Variants in SGCZ observed in about 807,000 individuals in gnomAD.
The protein encoded by SGCZ is sarcoglycan zeta.
Under a neutral mutation model 41.3 loss-of-function variants are expected in SGCZ, and 40 were observed. The observed-to-expected ratio is 0.97, with a 90% CI of 0.75 to 1.26. The LOEUF is 1.26. SGCZ is among the 50% of genes most tolerant of loss of function. The probability of loss-of-function intolerance (pLI) is 0.00; values close to 1 mark genes in which losing one functional copy is unlikely to be tolerated. For synonymous variants in SGCZ, 206 were observed against 137.5 expected (o/e 1.50, Z -3.49); for missense variants, 552 against 369.8 (o/e 1.49, Z -4.04).
At chr8:15,046,435 G>A (rs1804303061) in intron 1 of SGCZ, among the ~76,000 whole-genome samples, 1 of 151,800 alleles carries the variant, frequency 6.6e-6, no homozygotes, top group Non-Finnish European at 1.5e-5. Context: ...TCTATGAGTT[G>A]TAATCTATTA....
At chr8:14,455,455 T>C (rs569687080) in intron 2 of SGCZ, among the ~76,000 whole-genome samples, 1 of 144,352 alleles carries the variant, frequency 6.9e-6, no homozygotes, top group African/African-American at 2.5e-5. Context: ...TTTGCATGCA[T>C]ACACACACAC....
At chr8:14,410,935 T>A (rs2117276002) in intron 2 of SGCZ, among the ~76,000 whole-genome samples, 1 of 152,286 alleles carries the variant, frequency 6.6e-6, no homozygotes, top group East Asian at 1.9e-4. Context: ...ACAATGGTGA[T>A]AAATTTTCTT....
rs1170713156 is a variant in SGCZ at position 14,989,119 on chromosome 8, C to A, written c.39+248466G>T. Among the ~76,000 whole-genome samples the A allele has an allele frequency of 2.6e-5, 4 of 152,112 alleles. No individual in the cohort carries two copies. The East Asian group carries it at 7.8e-4, about 30-fold the overall frequency. ...AAAACCTCCCAGGACAGTAGAAACCCCAGTTAAGTTTATGGGATTCCCAGA... is the reference window on the plus strand; with the variant it reads ...AAAACCTCCCAGGACAGTAGAAACCACAGTTAAGTTTATGGGATTCCCAGA... On this transcript the variant is annotated intron_variant, in intron 1 of 7. Coordinates refer to ENST00000382080, the MANE Select transcript of SGCZ (RefSeq NM_139167.4).
chr8:14,824,119 A>G (rs570100552), intron 1 of SGCZ, among the ~76,000 whole-genome samples: 27 of 152,218 alleles, frequency 1.8e-4, no homozygotes, highest in Admixed American at 7.2e-4. Flanking sequence ...GAGGATGAGA[A>G]AAGGTTTTTC....
chr8:14,102,563 AAG>A, intron 6 of SGCZ, 64 bp from the exon 7 acceptor site: 1 of 1,268,728 alleles, frequency 7.9e-7, no homozygotes. Flanking sequence ...TAATAGAAAA[AAG>A]AAAATTTTTG....
intron 3 of SGCZ, among the ~76,000 whole-genome samples, chr8:14,254,813 T>C (rs1799405596): frequency 6.6e-6 from 1 of 152,138 alleles, no homozygotes; most frequent in South Asian, 2.1e-4. Flanking sequence ...GAGTGATCAA[T>C]TTACTAAAGC....
intron 1 of SGCZ, among the ~76,000 whole-genome samples, chr8:14,958,648 T>C (rs1249153075): frequency 6.6e-6 from 1 of 152,074 alleles, no homozygotes; most frequent in African/African-American, 2.4e-5. Flanking sequence ...GTAATACTAG[T>C]TGTGTGCATT....
chr8:15,171,995 T>C (rs78297683), intron 1 of SGCZ, among the ~76,000 whole-genome samples: 7,953 of 152,206 alleles, frequency 0.052, 280 homozygotes, highest in Non-Finnish European at 0.073. Context: ...CAACATTATT[T>C]GTGCCAGCAA....
chr8:14,106,888 A>G (rs1005389777), intron 6 of SGCZ, among the ~76,000 whole-genome samples: 1 of 152,180 alleles, frequency 6.6e-6, no homozygotes, highest in Non-Finnish European at 1.5e-5. Flanking sequence ...ATTAATTATT[A>G]TTAAACCATA....
chr8:14,552,522 A>T (rs571306284), intron 2 of SGCZ, among the ~76,000 whole-genome samples: 1 of 152,162 alleles, frequency 6.6e-6, no homozygotes, highest in Admixed American at 6.6e-5. Context: ...TTCAAAGGAA[A>T]ACGTAAAAAA....
intron 1 of SGCZ, among the ~76,000 whole-genome samples, chr8:14,571,971 A>C (rs1014060652): frequency 6.6e-6 from 1 of 152,220 alleles, no homozygotes; most frequent in Non-Finnish European, 1.5e-5. Context: ...TAGGAAAAGA[A>C]ATAATAACAA....
intron 1 of SGCZ, among the ~76,000 whole-genome samples, chr8:14,961,963 C>A (rs1016579279): frequency 6.6e-5 from 10 of 152,134 alleles, no homozygotes. Context: ...TTCCTTCTTG[C>A]GGAGCACTGA....
At chr8:14,519,532 T>C (rs1802726108) in intron 2 of SGCZ, among the ~76,000 whole-genome samples, 1 of 152,144 alleles carries the variant, frequency 6.6e-6, no homozygotes, top group Admixed American at 6.6e-5. Context: ...ACACTTTATA[T>C]ATTTAAACAT....
At chr8:14,154,480 A>G (rs1439331592) in intron 5 of SGCZ, among the ~76,000 whole-genome samples, 1 of 152,220 alleles carries the variant, frequency 6.6e-6, no homozygotes, top group African/African-American at 2.4e-5. Context: ...ATCGAGACAC[A>G]TGTGAGTAAT....
chr8:14,898,940 C>T lies in SGCZ; in HGVS notation c.39+338645G>A, dbSNP rs115238655. The stretch of plus-strand genomic sequence containing the variant: ...TATATTTCAGAATTTTCAAAATCAA[C>T]AAATAAATCCATGATAGTGAAGACA... On this transcript the variant is annotated intron_variant, in intron 1 of 7. Coordinates refer to ENST00000382080, the MANE Select transcript of SGCZ (RefSeq NM_139167.4). Among the ~76,000 whole-genome samples, 952 of 152,204 alleles carry T rather than the reference C, an allele frequency of 6.3e-3. 6 individuals are homozygous for T. The highest frequency in any genetic ancestry group is 0.018 in the South Asian group (86 of 4,816).
At chr8:14,906,299 T>C (rs1001298929) in intron 1 of SGCZ, among the ~76,000 whole-genome samples, 6 of 152,126 alleles carry the variant, frequency 3.9e-5, no homozygotes, top group African/African-American at 1.4e-4. Flanking sequence ...TGAGACAATA[T>C]GAATATTTTA....
Position 14,493,664 on chromosome 8 carries a change from C to T in SGCZ, c.234+61068G>A, listed in dbSNP as rs1034783678. ...TAGAGGCATGAGTCACCGTTCCTGG[C>T]CCTACTATCCCATATTTATATAATC... On this transcript the variant is annotated intron_variant, in intron 2 of 7. Transcript: ENST00000382080. Among the ~76,000 whole-genome samples, 2 of 151,688 alleles carry T rather than the reference C, an allele frequency of 1.3e-5. 1 individual carries two copies. Among genetic ancestry groups the T allele is most frequent in the South Asian group, 4.2e-4 (2 of 4,802 alleles).
At chr8:14,291,918 T>C (rs1800853218) in intron 3 of SGCZ, among the ~76,000 whole-genome samples, 1 of 152,000 alleles carries the variant, frequency 6.6e-6, no homozygotes, top group African/African-American at 2.4e-5. Flanking sequence ...TGAGTTTCTG[T>C]CTAAAAGCCC....
chr8:14,299,255 T>C (rs1585335042), intron 3 of SGCZ, among the ~76,000 whole-genome samples: 3 of 151,932 alleles, frequency 2.0e-5, no homozygotes, highest in Non-Finnish European at 2.9e-5. Context: ...TTTACAAATT[T>C]CAGGTAGTCA....
Sources: allele counts gnomAD v4.1 joint callset (sites outside exome capture counted in the v4.1 genomes callset), GRCh38; gene constraint gnomAD v4.1.1; transcripts MANE v1.5; gene names NCBI Gene and HGNC (gene_info 2026-07-23, HGNC 2026-07-21).